Variants in NUCKS1 observed in about 807,000 individuals in gnomAD.
NUCKS1 encodes nuclear ubiquitous casein and cyclin-dependent kinase substrate 1.
A neutral mutation model predicts 33.0 loss-of-function variants in NUCKS1; 2 were observed. That is an observed-to-expected ratio of 0.06 (90% CI 0.02 to 0.19). The LOEUF (loss-of-function observed/expected upper bound fraction) is 0.19, where lower values mean the gene tolerates loss of function less well. Among genes scored for constraint, NUCKS1 ranks in the 10% least tolerant of loss-of-function variants. The pLI is 1.00. For synonymous variants in NUCKS1, 106 were observed against 102.8 expected, an observed-to-expected ratio of 1.03 and a Z score of -0.19; for missense variants, 201 against 293.6, an observed-to-expected ratio of 0.68 and a Z score of 2.31.
chr1:205,736,389 G>A (rs1225647773), intron 1 of NUCKS1, among the ~76,000 whole-genome samples: 1 of 152,090 alleles, frequency 6.6e-6, no homozygotes, highest in Non-Finnish European at 1.5e-5. Context: ...AGATATGGTG[G>A]TGCTGAGAGT....
chr1:205,743,380 C>T (rs1213473058), intron 1 of NUCKS1, among the ~76,000 whole-genome samples: 1 of 152,176 alleles, frequency 6.6e-6, no homozygotes, highest in African/African-American at 2.4e-5. Context: ...AAATCCGTTT[C>T]CTGATACCCA....
rs1310351786 is a variant in NUCKS1, at chr1:205,714,755, CTTCTG to C, written c.*3520_*3524del. On this transcript the variant is annotated 3_prime_UTR_variant, in exon 7 of 7. Transcript: ENST00000367142. ...ATCCTATGGCAGGAAATGCGTATTA[CTTCTG>C]TTCTGTTTAAGCATCTCAGTCTAAA... The C allele has an allele frequency of 6.6e-6, 1 of 152,162 alleles. No homozygotes were observed. Among genetic ancestry groups the C allele is most frequent in the Non-Finnish European group, 1.5e-5 (1 of 68,018 alleles). The allele number at this position is 152,162 out of a possible 1,614,324, so 9.4% of individuals were successfully genotyped here. A position where few individuals can be genotyped will look rare whatever the true frequency, so the allele number is the denominator to read the frequency against.
chr1:205,724,783 AATTG>A (rs1390373528), intron 3 of NUCKS1, among the ~76,000 whole-genome samples: 1 of 152,204 alleles, frequency 6.6e-6, no homozygotes, highest in African/African-American at 2.4e-5. Context: ...ATGGAAAATA[AATTG>A]ATTGAATTAT....
chr1:205,727,080 C>T (rs974154495), intron 3 of NUCKS1, among the ~76,000 whole-genome samples: 9 of 152,196 alleles, frequency 5.9e-5, no homozygotes, highest in Admixed American at 2.6e-4. Flanking sequence ...CCTCCTGCCT[C>T]GGACTCCTGA....
chr1:205,744,630 GTTTT>G (rs10672842), intron 1 of NUCKS1, among the ~76,000 whole-genome samples: 9 of 87,762 alleles, frequency 1.0e-4, no homozygotes, highest in East Asian at 8.2e-4. Flanking sequence ...GTTCACTAGA[GTTTT>G]TTTTTTTTTT....
At chr1:205,729,929 G>A (rs1297536201) in intron 1 of NUCKS1, among the ~76,000 whole-genome samples, 1 of 151,404 alleles carries the variant, frequency 6.6e-6, no homozygotes, top group Admixed American at 6.6e-5. Context: ...GCTGAGGTAG[G>A]AGAATCACTT....
intron 1 of NUCKS1, among the ~76,000 whole-genome samples, chr1:205,735,047 G>C (rs1654003713): frequency 6.6e-6 from 1 of 152,140 alleles, no homozygotes; most frequent in Admixed American, 6.6e-5. Flanking sequence ...TTCCTAATGA[G>C]ATGATAGGAC....
intron 4 of NUCKS1, among the ~76,000 whole-genome samples, chr1:205,722,115 G>A (rs931927946): frequency 6.6e-5 from 10 of 150,772 alleles, no homozygotes; most frequent in South Asian, 2.1e-4. Flanking sequence ...TCACTCTGTC[G>A]CCCAGATTGG....
intron 1 of NUCKS1, among the ~76,000 whole-genome samples, chr1:205,732,283 C>T (rs1653933883): frequency 6.6e-6 from 1 of 152,104 alleles, no homozygotes; most frequent in South Asian, 2.1e-4. Flanking sequence ...GGAAAGCTAA[C>T]TTTAAATATG....
At chr1:205,723,591 T>C (rs1160921120) in intron 4 of NUCKS1, among the ~76,000 whole-genome samples, 1 of 152,206 alleles carries the variant, frequency 6.6e-6, no homozygotes, top group East Asian at 1.9e-4. Flanking sequence ...TTCTATTTAG[T>C]TTGATGTCTT....
chr1:205,723,758 T>C (rs531005880), intron 4 of NUCKS1, among the ~76,000 whole-genome samples, 168 bp downstream of exon 4: 6 of 152,304 alleles, frequency 3.9e-5, no homozygotes, highest in African/African-American at 1.2e-4. Flanking sequence ...CATAGATGAC[T>C]GTAATAAGCC....
rs1178529208 is a variant in NUCKS1 at position 205,718,195 on chromosome 1, A to G, written c.*85T>C. 18 of 1,498,482 alleles carry G rather than the reference A, an allele frequency of 1.2e-5. No individual in the cohort carries two copies. The highest frequency in any genetic ancestry group is 1.5e-5 in the Non-Finnish European group (17 of 1,136,022). The allele number at this position is 1,498,482 out of a possible 1,614,324, so 92.8% of individuals were successfully genotyped here. On this transcript the variant is annotated 3_prime_UTR_variant, in exon 7 of 7. Transcript: ENST00000367142. ...CATAGCCAAAACCATGTTCTATCTT[A>G]AGTAGGTTCTTTTTTTTCCTCCCTC...
Position 205,717,213 on chromosome 1 carries a change from G to T in NUCKS1, c.*1067C>A. 1.7e-6 allele frequency: 1 copy of T among 603,166 alleles called. No homozygotes were observed. Among genetic ancestry groups the T allele is most frequent in the Non-Finnish European group, 2.1e-6 (1 of 479,496 alleles). The allele number at this position is 603,166 out of a possible 1,614,324, so 37.4% of individuals were successfully genotyped here. A position where few individuals can be genotyped will look rare whatever the true frequency, so the allele number is the denominator to read the frequency against. On this transcript the variant is annotated 3_prime_UTR_variant, in exon 7 of 7. Transcript: ENST00000367142. The stretch of plus-strand genomic sequence containing the variant: ...AATAAAAGCAGAGCATGGTTAATGG[G>T]ACCTGAATGCACATTTATAGCATAA...
At chr1:205,739,728 T>A (rs1042580832) in intron 1 of NUCKS1, among the ~76,000 whole-genome samples, 1 of 152,162 alleles carries the variant, frequency 6.6e-6, no homozygotes, top group African/African-American at 2.4e-5. Context: ...TAGCTGGGAC[T>A]ACAGTTGTGC....
chr1:205,724,333 G>C (rs1232477291), intron 3 of NUCKS1, among the ~76,000 whole-genome samples: 2 of 152,164 alleles, frequency 1.3e-5, no homozygotes, highest in African/African-American at 4.8e-5. Context: ...AAAATACATA[G>C]TGTTGATGGC....
Position 205,750,015 on chromosome 1 carries a change from A to AGGGGGGGGGGGGGGGGGGGGGG in NUCKS1, c.-43_-42insCCCCCCCCCCCCCCCCCCCCCC. 4 of 1,506,274 alleles carry AGGGGGGGGGGGGGGGGGGGGGG rather than the reference A, an allele frequency of 2.7e-6. No individual in the cohort carries two copies. Among genetic ancestry groups the AGGGGGGGGGGGGGGGGGGGGGG allele is most frequent in the Admixed American group, 1.8e-5 (1 of 55,674 alleles). The allele number at this position is 1,506,274 out of a possible 1,614,324, so 93.3% of individuals were successfully genotyped here. ...GGACCGAGTCGAGAAGCCAAAGACC[A>AGGGGGGGGGGGGGGGGGGGGGG]GGACCCCCCCCACCCCGCGCGCTCG... On this transcript the variant is annotated 5_prime_UTR_variant, in exon 1 of 7. Transcript: ENST00000367142.
intron 1 of NUCKS1, among the ~76,000 whole-genome samples, chr1:205,741,694 G>A (rs976688785): frequency 5.3e-5 from 8 of 152,206 alleles, no homozygotes; most frequent in African/African-American, 1.9e-4. Context: ...GTAGAACTAA[G>A]ATAAATGAAG....
intron 1 of NUCKS1, among the ~76,000 whole-genome samples, chr1:205,747,620 A>G (rs1263212011): frequency 6.6e-6 from 1 of 152,262 alleles, no homozygotes; most frequent in African/African-American, 2.4e-5. Flanking sequence ...AAAAACTGCA[A>G]AATTATACAC....
intron 1 of NUCKS1, among the ~76,000 whole-genome samples, chr1:205,735,307 A>G (rs1439339799): frequency 6.6e-6 from 1 of 152,222 alleles, no homozygotes; most frequent in African/African-American, 2.4e-5. Context: ...GTACAGTAAC[A>G]TGCTATACAT....
Sources: allele counts gnomAD v4.1 joint callset (sites outside exome capture counted in the v4.1 genomes callset), GRCh38; gene constraint gnomAD v4.1.1; transcripts MANE v1.5; gene names NCBI Gene and HGNC (gene_info 2026-07-23, HGNC 2026-07-21).